The following ZC4H2 variants were observed in gnomAD, a reference collection of about 807,000 sequenced individuals.
The protein encoded by ZC4H2 is zinc finger C4H2 domain-containing protein.
For synonymous variants in ZC4H2, 84 were observed against 66.3 expected (o/e 1.27, Z -1.30); for missense variants, 137 against 173.9 (o/e 0.79, Z 1.19).
intron 1 of ZC4H2, among the ~76,000 whole-genome samples, chrX:64,940,736 T>C (rs748775412): frequency 2.7e-5 from 3 of 110,890 alleles, no homozygotes; most frequent in Non-Finnish European, 5.7e-5. Flanking sequence ...CTGAGGCCTC[T>C]GTTCTGTTCC....
intron 1 of ZC4H2, among the ~76,000 whole-genome samples, chrX:65,017,408 A>G (rs1179828077): frequency 2.7e-5 from 3 of 112,789 alleles, no homozygotes; most frequent in Admixed American, 1.9e-4. Context: ...TAGTCCAAAT[A>G]ATGCAACATC....
intron 1 of ZC4H2, among the ~76,000 whole-genome samples, chrX:64,954,310 A>C (rs1203107285): frequency 5.3e-5 from 4 of 76,125 alleles, no homozygotes; most frequent in African/African-American, 8.7e-5. Context: ...CTAAAACTTA[A>C]AGTATAATTA....
At chrX:65,001,557 A>G (rs1327542081) in intron 1 of ZC4H2, among the ~76,000 whole-genome samples, 2 of 112,258 alleles carry the variant, frequency 1.8e-5, no homozygotes, top group Non-Finnish European at 3.8e-5. Context: ...ATCACCAGCT[A>G]GCATCATAAT....
At chrX:65,002,035 A>G (rs754880414) in intron 1 of ZC4H2, among the ~76,000 whole-genome samples, 2 of 111,408 alleles carry the variant, frequency 1.8e-5, no homozygotes, top group Non-Finnish European at 3.8e-5. Flanking sequence ...CAGAGCAAAG[A>G]GCCAGATAAT....
At chrX:65,017,961 G>C (rs749251432) in intron 1 of ZC4H2, among the ~76,000 whole-genome samples, 1 of 111,530 alleles carries the variant, frequency 9.0e-6, no homozygotes, top group African/African-American at 3.3e-5. Flanking sequence ...ATTCAACTGA[G>C]AATTCTACCA....
At position 64,917,669 on chromosome X, in the gene ZC4H2, A is replaced by G; in HGVS notation, c.*114T>C. ...GAGAGAGGGGTTGTGCTTCCATCAC[A>G]TTAAATAGGAGACTTCGTGGGGTTG... On this transcript the variant is annotated 3_prime_UTR_variant, in exon 5 of 5. Transcript: ENST00000374839. 1 of 1,052,653 alleles carries G rather than the reference A, an allele frequency of 9.5e-7. No homozygotes were observed. Among genetic ancestry groups the G allele is most frequent in the Non-Finnish European group, 1.3e-6 (1 of 786,306 alleles). 86.8% of individuals were successfully genotyped at this position (1,052,653 alleles called of 1,213,427 possible). A position where few individuals can be genotyped will look rare whatever the true frequency, so the allele number is the denominator to read the frequency against.
intron 1 of ZC4H2, among the ~76,000 whole-genome samples, chrX:64,927,951 C>T (rs187505240): frequency 8.9e-6 from 1 of 112,239 alleles, no homozygotes; most frequent in East Asian, 2.8e-4. Context: ...TGTTCATATC[C>T]TTCACCCACT....
intron 1 of ZC4H2, among the ~76,000 whole-genome samples, chrX:64,942,051 T>C (rs181366932): frequency 6.3e-5 from 7 of 111,920 alleles, no homozygotes; most frequent in African/African-American, 1.6e-4. Context: ...AGGCTATTAA[T>C]TATTGCCTCA....
intron 1 of ZC4H2, among the ~76,000 whole-genome samples, chrX:64,957,808 G>A (rs1931215056): frequency 9.0e-6 from 1 of 110,895 alleles, no homozygotes. Flanking sequence ...GCTTCAATGA[G>A]CCATGATCAT....
intron 1 of ZC4H2, among the ~76,000 whole-genome samples, chrX:64,991,445 G>A (rs1220670747): frequency 9.0e-6 from 1 of 111,539 alleles, no homozygotes; most frequent in Non-Finnish European, 1.9e-5. Context: ...GTGCAGTGGT[G>A]CGAGCCTGTA....
Position 64,916,539 on chromosome X carries a change from G to A in ZC4H2, c.*1244C>T, listed in dbSNP as rs1928932624. 8.9e-6 allele frequency: 1 copy of A among 112,029 alleles called. No individual in the cohort carries two copies. Among genetic ancestry groups the A allele is most frequent in the Non-Finnish European group, 1.9e-5 (1 of 53,202 alleles). 9.2% of individuals were successfully genotyped at this position (112,029 alleles called of 1,213,427 possible). On this transcript the variant is annotated 3_prime_UTR_variant, in exon 5 of 5. Transcript: ENST00000374839. ...GTGAACACATACACACTGTGGCAATGTAAAACTACTTAAGGAAGGAAAAAT... is the reference window on the plus strand; with the variant it reads ...GTGAACACATACACACTGTGGCAATATAAAACTACTTAAGGAAGGAAAAAT...
intron 1 of ZC4H2, among the ~76,000 whole-genome samples, chrX:65,019,606 CA>C (rs1436494240): frequency 1.5e-4 from 17 of 111,817 alleles, no homozygotes; most frequent in African/African-American, 5.5e-4. Flanking sequence ...CTAAAAATTC[CA>C]AAAATCAGAA....
At chrX:64,932,923 G>C (rs1020882013) in intron 1 of ZC4H2, among the ~76,000 whole-genome samples, 2 of 111,701 alleles carry the variant, frequency 1.8e-5, no homozygotes, top group African/African-American at 3.2e-5. Flanking sequence ...GGCCAGGGAA[G>C]TTTTCCTCAA....
intron 1 of ZC4H2, among the ~76,000 whole-genome samples, chrX:64,995,083 A>G (rs2147275724): frequency 9.2e-6 from 1 of 109,016 alleles, no homozygotes; most frequent in South Asian, 4.2e-4. Flanking sequence ...GAAAAAAGCA[A>G]ATCAGTTTCA....
intron 1 of ZC4H2, among the ~76,000 whole-genome samples, chrX:64,999,761 G>A (rs1602446670): frequency 8.9e-6 from 1 of 112,025 alleles, no homozygotes; most frequent in African/African-American, 3.2e-5. Flanking sequence ...AGGGGGACGG[G>A]CATCCACCAT....
chrX:64,919,208 T>C lies in ZC4H2; in HGVS notation c.399-4A>G. 1 of 1,210,863 alleles carries C rather than the reference T, an allele frequency of 8.3e-7. No individual in the cohort carries two copies. The highest frequency in any genetic ancestry group is 1.1e-6 in the Non-Finnish European group (1 of 895,200). On this transcript the variant is annotated splice_region_variant and splice_polypyrimidine_tract_variant and intron_variant, in intron 3 of 4. Transcript: ENST00000374839. ...TGCTTTCTGCTTCTCAAAGTAACTT[T>C]GGAGATGAGAGACACTGGCTAGATC...
intron 1 of ZC4H2, among the ~76,000 whole-genome samples, chrX:65,012,224 C>CAAAAAAAAAAAAAAAAAAAAA (rs10606871): frequency 3.9e-5 from 1 of 25,325 alleles, no homozygotes; most frequent in African/African-American, 9.5e-5. Context: ...GACCCCGTCT[C>CAAAAAAAAAAAAAAAAAAAAA]AAAAAAAAAA....
intron 1 of ZC4H2, among the ~76,000 whole-genome samples, chrX:65,003,668 G>A (rs763013870): frequency 7.2e-5 from 8 of 110,626 alleles, no homozygotes; most frequent in Non-Finnish European, 1.5e-4. Context: ...CCGAGGTCAG[G>A]AGATTGAGAA....
At chrX:65,009,697 G>A (rs772808690) in intron 1 of ZC4H2, among the ~76,000 whole-genome samples, 1 of 111,963 alleles carries the variant, frequency 8.9e-6, no homozygotes, top group East Asian at 2.8e-4. Flanking sequence ...CTTCAGCATG[G>A]CACAAATCCA....
Sources: gnomAD v4.1 joint callset for allele counts (sites outside exome capture counted in the v4.1 genomes callset) on GRCh38, gnomAD v4.1.1 for gene constraint, MANE v1.5 for transcripts, NCBI Gene and HGNC (gene_info 2026-07-23, HGNC 2026-07-21) for gene names.